Variants in CNTLN observed in about 807,000 individuals in gnomAD.
CNTLN encodes centlein, also known as centlein, centrosomal protein.
Under a neutral mutation model 180.0 loss-of-function variants are expected in CNTLN, and 212 were observed. The observed-to-expected ratio is 1.18, with a 90% confidence interval of 1.05 to 1.32. The LOEUF (loss-of-function observed/expected upper bound fraction) is 1.32. CNTLN is among the 40% of genes most tolerant of loss of function. The pLI is 0.00. For synonymous variants in CNTLN, 722 were observed against 563.1 expected (o/e 1.28, Z -3.99); for missense variants, 2,095 against 1,610.9 (o/e 1.30, Z -5.14).
At chr9:17,178,347 C>T (rs565140083) in intron 2 of CNTLN, among the ~76,000 whole-genome samples, 1 of 152,368 alleles carries the variant, frequency 6.6e-6, no homozygotes, top group East Asian at 1.9e-4. Context: ...CAGCTGGCTT[C>T]ACCCAGTGGA....
rs368455471 is a variant in CNTLN, at chr9:17,388,177, C to T, written c.2003C>T (p.Ser668Phe). 2.5e-5 allele frequency: 41 copies of T among 1,609,128 alleles called. No individual in the cohort carries two copies. The highest frequency in any genetic ancestry group is 3.4e-5 in the Non-Finnish European group (40 of 1,176,396). ...AERREEQLFR[S>F]GEDDEVKRST... is the part of the protein sequence containing the mutation. ...TCTCTACCAGAACAGCTCTTTAGAT[C>T]TGGTGAAGATGATGAGGTCAAGAGG... is the stretch of plus-strand genomic sequence containing the variant. The change falls in exon 14 of 26, where the codon TCT becomes TTT. Residue 668 changes from serine (S) to phenylalanine (F), a missense_variant. Coordinates refer to ENST00000380647, the MANE Select transcript of CNTLN (RefSeq NM_017738.4).
intron 2 of CNTLN, among the ~76,000 whole-genome samples, chr9:17,170,780 C>T (rs75848915): frequency 6.6e-6 from 1 of 151,782 alleles, no homozygotes; most frequent in Admixed American, 6.6e-5. Flanking sequence ...ACTCATTTTC[C>T]TCATTACAAT....
chr9:17,494,596 T>A (rs1031117025), intron 25 of CNTLN, among the ~76,000 whole-genome samples: 1 of 152,126 alleles, frequency 6.6e-6, no homozygotes, highest in African/African-American at 2.4e-5. Flanking sequence ...ATCATTTAGC[T>A]CCCACTTATA....
intron 3 of CNTLN, among the ~76,000 whole-genome samples, chr9:17,232,854 G>A (rs1425085084): frequency 6.6e-6 from 1 of 152,020 alleles, no homozygotes; most frequent in Non-Finnish European, 1.5e-5. Flanking sequence ...TGGAAGTCGA[G>A]TCTTAAAGGG....
At chr9:17,194,859 C>T (rs992767359) in intron 2 of CNTLN, among the ~76,000 whole-genome samples, 2 of 152,150 alleles carry the variant, frequency 1.3e-5, no homozygotes, top group Non-Finnish European at 2.9e-5. Flanking sequence ...GGGGAGGCCT[C>T]AGAATCGTGA....
chr9:17,147,027 A>G (rs906180627), intron 2 of CNTLN, among the ~76,000 whole-genome samples: 1 of 152,100 alleles, frequency 6.6e-6, no homozygotes, highest in African/African-American at 2.4e-5. Flanking sequence ...ATGAACCTTC[A>G]CTGCCTTGCT....
At chr9:17,414,825 C>T (rs2593387) in intron 16 of CNTLN, among the ~76,000 whole-genome samples, 2 of 152,004 alleles carry the variant, frequency 1.3e-5, no homozygotes, top group African/African-American at 4.8e-5. Flanking sequence ...CACTGTGGCT[C>T]ACGCCCATAA....
intron 2 of CNTLN, among the ~76,000 whole-genome samples, chr9:17,158,466 T>A (rs1346006717): frequency 4.6e-5 from 7 of 152,130 alleles, no homozygotes; most frequent in African/African-American, 4.8e-5. Context: ...AATTCTTTTT[T>A]AAATATTTGG....
intron 18 of CNTLN, chr9:17,447,233 T>G: frequency 4.6e-6 from 1 of 215,310 alleles, no homozygotes; most frequent in East Asian, 1.1e-4. Context: ...GTAATTAAGT[T>G]CCAACAGAGC....
At chr9:17,316,719 T>C (rs1392287869) in intron 8 of CNTLN, among the ~76,000 whole-genome samples, 1 of 152,156 alleles carries the variant, frequency 6.6e-6, no homozygotes, top group African/African-American at 2.4e-5. Flanking sequence ...TTGTTCCTCT[T>C]TTCCTCTATT....
Position 17,457,963 on chromosome 9 carries a change from A to G in CNTLN, c.3306+248A>G, listed in dbSNP as rs534290983. Among the ~76,000 whole-genome samples, 118 of 152,060 alleles carry G rather than the reference A, an allele frequency of 7.8e-4. 1 individual carries two copies. The highest frequency in any genetic ancestry group is 2.6e-3 in the African/African-American group (107 of 41,532). ...TTTAGGAGCTGATTTAAACTGGCCA[A>G]TATCTGCTACTCTAATACTTCTTTC... On this transcript the variant is annotated intron_variant, in intron 19 of 25. Coordinates refer to ENST00000380647, the MANE Select transcript of CNTLN (RefSeq NM_017738.4).
chr9:17,371,871 G>T (rs1360876453), intron 13 of CNTLN, among the ~76,000 whole-genome samples: 1 of 152,090 alleles, frequency 6.6e-6, no homozygotes, highest in African/African-American at 2.4e-5. Flanking sequence ...TGACCCGTGT[G>T]TCAATGAAGA....
intron 5 of CNTLN, among the ~76,000 whole-genome samples, chr9:17,267,614 G>A (rs1415042775): frequency 6.6e-6 from 1 of 151,950 alleles, no homozygotes; most frequent in Non-Finnish European, 1.5e-5. Context: ...AGTTCTCCTG[G>A]ATAATATCCT....
At chr9:17,259,792 A>G (rs200228536) in intron 5 of CNTLN, among the ~76,000 whole-genome samples, 5 of 147,220 alleles carry the variant, frequency 3.4e-5, no homozygotes, top group South Asian at 2.2e-4. Flanking sequence ...TCTGATGGTA[A>G]TTTATATTTC....
At position 17,340,841 on chromosome 9, in the gene CNTLN, T is replaced by A. The variant is rs61735057; in HGVS notation, c.1659T>A (p.Asp553Glu). Residue 553 changes from aspartate (D) to glutamate (E), a missense_variant, in exon 11 of 26, where the codon GAT becomes GAA. Asp to Glu is a conservative substitution (Grantham distance 45). Coordinates refer to ENST00000380647, the MANE Select transcript of CNTLN (RefSeq NM_017738.4). ...GTGTTCTACAGAGCCAAGAAAATGA[T>A]GAGCTAAGAGATGCCCATGAAAAAC... ...KALQLKSQEN[D>E]ELRDAHEKRK... 2.9e-3 allele frequency: 4,714 copies of A among 1,610,216 alleles called. 136 individuals are homozygous for A. The African/African-American group carries it at 0.057, about 19-fold the overall frequency.
chr9:17,177,505 C>G (rs902897367), intron 2 of CNTLN, among the ~76,000 whole-genome samples: 1 of 152,080 alleles, frequency 6.6e-6, no homozygotes, highest in East Asian at 1.9e-4. Flanking sequence ...AGCTGCGGAC[C>G]CTTGTGGTGA....
chr9:17,297,912 G>T (rs924966996), intron 6 of CNTLN, among the ~76,000 whole-genome samples: 1 of 152,070 alleles, frequency 6.6e-6, no homozygotes. Context: ...TTAAATAAAA[G>T]GTTGTACTAT....
In CNTLN at chr9:17,258,974, G is replaced by C. The variant is rs372175379; in HGVS notation, c.850-14759G>C. ...AATTGAATACCCTTTATTTCCTTCT[G>C]CTGCCTGATTGCCTGGCCAGAACTT... On this transcript the variant is annotated intron_variant, in intron 5 of 25. Coordinates refer to ENST00000380647, the MANE Select transcript of CNTLN (RefSeq NM_017738.4). Among the ~76,000 whole-genome samples, 189 of 150,518 alleles carry C rather than the reference G, an allele frequency of 1.3e-3. 1 individual carries two copies. Among genetic ancestry groups the C allele is most frequent in the African/African-American group, 4.5e-3 (179 of 40,174 alleles).
intron 12 of CNTLN, among the ~76,000 whole-genome samples, chr9:17,355,416 A>G (rs1181331797): frequency 6.6e-6 from 1 of 152,132 alleles, no homozygotes; most frequent in African/African-American, 2.4e-5. Context: ...GTATCCTTTG[A>G]TGCATGAAAG....
Sources: gnomAD v4.1 joint callset for allele counts (sites outside exome capture counted in the v4.1 genomes callset) on GRCh38, gnomAD v4.1.1 for gene constraint, MANE v1.5 for transcripts, NCBI Gene and HGNC (gene_info 2026-07-23, HGNC 2026-07-21) for gene names.